Variants in USP16 observed in about 807,000 individuals in gnomAD.
USP16 encodes the protein ubiquitin carboxyl-terminal hydrolase 16.
USP16 carries 77 observed loss-of-function variants against 95.9 expected under a neutral mutation model. That is an observed-to-expected ratio of 0.80 (90% CI 0.67 to 0.97). The LOEUF is 0.97. Among genes scored for constraint, USP16 ranks in the 50% least tolerant of loss-of-function variants. The pLI is 0.00. For synonymous variants in USP16, 303 were observed against 318.2 expected (o/e 0.95, Z 0.51); for missense variants, 943 against 959.9 (o/e 0.98, Z 0.23).
At chr21:29,053,156 T>TA (rs1193651145) in intron 16 of USP16, 1 of 152,234 alleles carries the variant, frequency 6.6e-6, no homozygotes, top group East Asian at 1.9e-4. Context: ...GGAAGCTGAG[T>TA]ATAGGAGACA....
intron 3 of USP16, among the ~76,000 whole-genome samples, chr21:29,032,780 C>G (rs1017219530): frequency 2.6e-5 from 4 of 152,050 alleles, no homozygotes; most frequent in African/African-American, 9.7e-5. Context: ...GGATAAATGC[C>G]CAAGAGTGCA....
At chr21:29,041,183 T>G (rs2085238352) in intron 10 of USP16, among the ~76,000 whole-genome samples, 1 of 152,164 alleles carries the variant, frequency 6.6e-6, no homozygotes. Flanking sequence ...TTTATTTAAT[T>G]GTAATTAAAT....
At chr21:29,028,074 T>G (rs997637130) in intron 2 of USP16, 100 bp downstream of exon 2, 1 of 864,892 alleles carries the variant, frequency 1.2e-6, no homozygotes, top group African/African-American at 1.7e-5. Context: ...TTATATTATC[T>G]GCATTTTAAT....
intron 16 of USP16, among the ~76,000 whole-genome samples, chr21:29,050,883 G>A (rs945103344): frequency 2.6e-5 from 4 of 152,208 alleles, no homozygotes; most frequent in Admixed American, 6.5e-5. Context: ...TATGACGTAG[G>A]TTACTTGTTG....
At position 29,034,718 on chromosome 21, in the gene USP16, T is replaced by C. The variant is rs186358439; in HGVS notation, c.241-119T>C. 3.3e-5 allele frequency: 30 copies of C among 914,108 alleles called. No homozygotes were observed. In the African/African-American group the frequency reaches 4.8e-4, roughly 15 times the overall value. The allele number at this position is 914,108 out of a possible 1,614,324, so 56.6% of individuals were successfully genotyped here. A position where few individuals can be genotyped will look rare whatever the true frequency, so the allele number is the denominator to read the frequency against. Reference sequence around the variant, plus strand: ...TGATTCTAGAGTCTAACATTTTCTTTTCAAGATTGTAAGAATGGCAGAATT... The same window carrying C: ...TGATTCTAGAGTCTAACATTTTCTTCTCAAGATTGTAAGAATGGCAGAATT... On this transcript the variant is annotated intron_variant, in intron 3 of 17. Transcript: ENST00000399976.
chr21:29,048,097 G>GTT (rs970727367), intron 14 of USP16, among the ~76,000 whole-genome samples: 2 of 124,920 alleles, frequency 1.6e-5, no homozygotes, highest in South Asian at 2.5e-4. Flanking sequence ...GTGTGTGTGT[G>GTT]TTTTGAGACA....
chr21:29,031,224 G>A (rs2085071879), intron 3 of USP16, among the ~76,000 whole-genome samples: 1 of 152,154 alleles, frequency 6.6e-6, no homozygotes, highest in South Asian at 2.1e-4. Flanking sequence ...TCAGCACCTG[G>A]GGGAATGAGT....
chr21:29,033,666 T>C (rs560293684), intron 3 of USP16, among the ~76,000 whole-genome samples: 17 of 152,360 alleles, frequency 1.1e-4, no homozygotes, highest in Admixed American at 9.8e-4. Context: ...TCTAGAATAT[T>C]TGGTAATAGA....
chr21:29,040,167 A>G (rs184193106), intron 9 of USP16, among the ~76,000 whole-genome samples: 2 of 152,290 alleles, frequency 1.3e-5, no homozygotes, highest in Admixed American at 6.5e-5. Flanking sequence ...TGAGGTGGAT[A>G]CTGTGATTTT....
At chr21:29,035,002 G>A in intron 4 of USP16, 62 bp downstream of exon 4, 1 of 1,449,830 alleles carries the variant, frequency 6.9e-7, no homozygotes, top group Non-Finnish European at 9.5e-7. Flanking sequence ...GAATGGAAAT[G>A]TTTAAATATG....
At position 29,042,090 on chromosome 21, in the gene USP16, G is replaced by C; in HGVS notation, c.1108G>C (p.Asp370His). ...TGAACTAACTAGTATGATCATGTGT[G>C]ATCAATGCAGAACTGTAAGTAGATG... ...GGELTSMIMCDQCRTVSLVHE... is the reference protein window; with the variant it reads ...GGELTSMIMCHQCRTVSLVHE... The change falls in exon 11 of 18, where the codon GAT becomes CAT. Residue 370 changes from aspartate (D) to histidine (H), a missense_variant. Transcript: ENST00000399976. 6.2e-7 allele frequency: 1 copy of C among 1,612,854 alleles called. No individual in the cohort carries two copies. Among genetic ancestry groups the C allele is most frequent in the Non-Finnish European group, 8.5e-7 (1 of 1,179,382 alleles).
intron 1 of USP16, 73 bp from the exon 2 acceptor site, chr21:29,027,800 A>G (rs1455695604): frequency 9.8e-7 from 1 of 1,015,892 alleles, no homozygotes. Flanking sequence ...TGGCTTAGTT[A>G]TATTACTGTC....
intron 3 of USP16, among the ~76,000 whole-genome samples, chr21:29,032,384 A>G (rs973219743): frequency 1.3e-5 from 2 of 152,104 alleles, no homozygotes; most frequent in Admixed American, 1.3e-4. Context: ...CCTGCATGCC[A>G]CCACTCCTGG....
Position 29,039,489 on chromosome 21 carries a change from G to A in USP16, c.872G>A (p.Arg291Gln), listed in dbSNP as rs766433691. 9.3e-6 allele frequency: 15 copies of A among 1,612,764 alleles called. No homozygotes were observed. Among genetic ancestry groups the A allele is most frequent in the African/African-American group, 1.3e-5 (1 of 74,852 alleles). ...TTTTTGTTTTTCTCTAGAGCAGTGC[G>A]GTTTAAAGGCTATCAGCAGCAAGAC... is the stretch of plus-strand genomic sequence containing the variant. ...LFSQVCKKAV[R>Q]FKGYQQQDSQ... is the part of the protein sequence containing the mutation. The change falls in exon 9 of 18, where the codon CGG (arginine) becomes CAG (glutamine). Residue 291 changes from arginine (R) to glutamine (Q), a missense_variant. By Grantham distance (43) the Arg-to-Gln change is conservative. Transcript: ENST00000399976.
intron 13 of USP16, among the ~76,000 whole-genome samples, chr21:29,046,229 T>C (rs879436712): frequency 2.0e-5 from 3 of 152,198 alleles, no homozygotes; most frequent in Non-Finnish European, 4.4e-5. Flanking sequence ...CTTGAACTTT[T>C]GGGCTCAAGT....
intron 3 of USP16, 113 bp from the exon 4 acceptor site, chr21:29,034,724 A>T (rs2085128237): frequency 4.1e-6 from 4 of 965,156 alleles, no homozygotes; most frequent in Admixed American, 2.4e-5. Flanking sequence ...TCTTTTCAAG[A>T]TTGTAAGAAT....
Position 29,041,028 on chromosome 21 carries a change from G to A in USP16, c.1030+341G>A, listed in dbSNP as rs574647872. Among the ~76,000 whole-genome samples the A allele has an allele frequency of 3.9e-5, 6 of 152,270 alleles. No homozygotes were observed. The East Asian group carries it at 9.6e-4, about 24-fold the overall frequency. ...GCCAACTTAGTTCTTATTATGTGGC[G>A]TGTAAAGATTTAGGGCAGATCTGCC... On this transcript the variant is annotated intron_variant, in intron 10 of 17. Coordinates refer to ENST00000399976, the MANE Select transcript of USP16 (RefSeq NM_006447.3).
intron 1 of USP16, chr21:29,025,014 C>G: frequency 3.1e-6 from 1 of 323,844 alleles, no homozygotes; most frequent in South Asian, 2.8e-5. Flanking sequence ...CAGAGGTTCC[C>G]CCGTGGGATC....
In USP16 at chr21:29,054,126, T is replaced by A. The variant is rs758650074; in HGVS notation, c.2411T>A (p.Val804Glu). 19 of 1,614,148 alleles carry A rather than the reference T, an allele frequency of 1.2e-5. No homozygotes were observed. Among genetic ancestry groups the A allele is most frequent in the Non-Finnish European group, 1.2e-5 (14 of 1,180,058 alleles). ...FHISDTHVQAVPTTKVLNSQA... is the reference protein window; with the variant it reads ...FHISDTHVQAEPTTKVLNSQA... ...ATCAGCGACACACATGTGCAAGCTG[T>A]GCCTACAACTAAAGTACTAAACTCA... Residue 804 changes from valine (V) to glutamate (E), a missense_variant, in exon 18 of 18, where the codon GTG (valine) becomes GAG (glutamate). Transcript: ENST00000399976.
Sources: gnomAD v4.1 joint callset for allele counts (sites outside exome capture counted in the v4.1 genomes callset) on GRCh38, gnomAD v4.1.1 for gene constraint, MANE v1.5 for transcripts, NCBI Gene and HGNC (gene_info 2026-07-23, HGNC 2026-07-21) for gene names.